The following GABRB1 variants were observed in gnomAD, a reference collection of about 807,000 sequenced individuals.
The protein encoded by GABRB1 is gamma-aminobutyric acid type A receptor subunit beta1.
In GABRB1, 17 loss-of-function variants were observed where a neutral mutation model predicts 51.6. That is an observed-to-expected ratio of 0.33 (90% confidence interval 0.23 to 0.49). The LOEUF (loss-of-function observed/expected upper bound fraction) is 0.49. GABRB1 is among the 20% of genes least tolerant of loss of function. The pLI, the probability that GABRB1 is intolerant of heterozygous loss-of-function variation, is 0.99. For synonymous variants in GABRB1, 247 were observed against 218.9 expected (o/e 1.13, Z -1.14); for missense variants, 410 against 600.6 (o/e 0.68, Z 3.32).
chr4:47,169,504 CTTT>C (rs33940206), intron 4 of GABRB1, among the ~76,000 whole-genome samples: 1 of 143,620 alleles, frequency 7.0e-6, no homozygotes. Flanking sequence ...GTGGAAGGCA[CTTT>C]TTTTTTTTTT....
chr4:47,046,111 T>C (rs1021232806), intron 3 of GABRB1, among the ~76,000 whole-genome samples: 1 of 152,044 alleles, frequency 6.6e-6, no homozygotes, highest in Non-Finnish European at 1.5e-5. Flanking sequence ...CCCTTCTCTC[T>C]CCGGCCACTC....
At chr4:47,406,951 A>G in intron 8 of GABRB1, 25 bp downstream of exon 8, 1 of 1,600,404 alleles carries the variant, frequency 6.2e-7, no homozygotes, top group Non-Finnish European at 8.5e-7. Flanking sequence ...ATTCCTAACA[A>G]TATTCTTGTT....
chr4:47,339,755 G>C (rs1314430231), intron 5 of GABRB1, among the ~76,000 whole-genome samples: 1 of 150,228 alleles, frequency 6.7e-6, no homozygotes, highest in African/African-American at 2.5e-5. Context: ...TTAAAAATCT[G>C]TTCTTTCCAC....
chr4:47,160,102 A>G (rs978573585), intron 3 of GABRB1, among the ~76,000 whole-genome samples: 1 of 152,048 alleles, frequency 6.6e-6, no homozygotes, highest in Non-Finnish European at 1.5e-5. Flanking sequence ...TATTTGGAAA[A>G]CCATCCCTTC....
intron 4 of GABRB1, among the ~76,000 whole-genome samples, chr4:47,297,150 G>C (rs1040301069): frequency 6.6e-6 from 1 of 151,934 alleles, no homozygotes; most frequent in African/African-American, 2.4e-5. Flanking sequence ...GCACATAAGA[G>C]AAAGCAGGAA....
intron 5 of GABRB1, among the ~76,000 whole-genome samples, chr4:47,353,028 G>A (rs886371155): frequency 2.0e-5 from 3 of 152,170 alleles, no homozygotes; most frequent in African/African-American, 4.8e-5. Context: ...GTGGCAGGAG[G>A]CAAAAGGCAC....
intron 3 of GABRB1, among the ~76,000 whole-genome samples, chr4:47,057,993 G>A (rs895331929): frequency 6.6e-6 from 1 of 152,204 alleles, no homozygotes; most frequent in Non-Finnish European, 1.5e-5. Flanking sequence ...CTGAGCAAGA[G>A]ACTGAAGTCT....
At chr4:47,253,706 C>T (rs542790869) in intron 4 of GABRB1, among the ~76,000 whole-genome samples, 1 of 152,284 alleles carries the variant, frequency 6.6e-6, no homozygotes, top group African/African-American at 2.4e-5. Context: ...TTAAATAAAA[C>T]ATATACAAAT....
intron 3 of GABRB1, among the ~76,000 whole-genome samples, chr4:47,043,940 T>C (rs539927354): frequency 6.6e-6 from 1 of 152,222 alleles, no homozygotes; most frequent in Non-Finnish European, 1.5e-5. Flanking sequence ...CAGGTTTGCT[T>C]ATGGACAGAG....
At chr4:47,063,649 G>A (rs1405871896) in intron 3 of GABRB1, among the ~76,000 whole-genome samples, 1 of 152,096 alleles carries the variant, frequency 6.6e-6, no homozygotes, top group Non-Finnish European at 1.5e-5. Flanking sequence ...ACCAATTGTG[G>A]TTAAAATTCA....
chr4:47,318,972 G>C (rs548392742), intron 4 of GABRB1, among the ~76,000 whole-genome samples: 26 of 151,970 alleles, frequency 1.7e-4, no homozygotes, highest in African/African-American at 6.3e-4. Flanking sequence ...TGTCTTCTTA[G>C]GGAGAAAACC....
chr4:47,131,099 G>A (rs187432529), intron 3 of GABRB1, among the ~76,000 whole-genome samples: 11 of 152,048 alleles, frequency 7.2e-5, no homozygotes, highest in African/African-American at 2.7e-4. Context: ...TTCCTACCCA[G>A]CCCTGGAAGA....
chr4:47,248,263 T>G (rs1721840942), intron 4 of GABRB1, among the ~76,000 whole-genome samples: 2 of 152,172 alleles, frequency 1.3e-5, no homozygotes, highest in Non-Finnish European at 2.9e-5. Context: ...TTCTGCTGCA[T>G]CTATTGAGAT....
chr4:47,001,213 G>A (rs1321875513), intron 1 of GABRB1, among the ~76,000 whole-genome samples: 1 of 152,128 alleles, frequency 6.6e-6, no homozygotes, highest in Non-Finnish European at 1.5e-5. Flanking sequence ...CGCGATCTGG[G>A]CTCACTGCAA....
At chr4:47,370,208 T>C (rs902276581) in intron 5 of GABRB1, among the ~76,000 whole-genome samples, 2 of 152,140 alleles carry the variant, frequency 1.3e-5, no homozygotes, top group African/African-American at 4.8e-5. Context: ...ATTTTTAGTT[T>C]AAGAAAAGTC....
chr4:47,210,273 T>C (rs1401712322), intron 4 of GABRB1, among the ~76,000 whole-genome samples: 1 of 152,186 alleles, frequency 6.6e-6, no homozygotes, highest in Non-Finnish European at 1.5e-5. Context: ...GTATAAGTTT[T>C]TTAATCTTAT....
intron 3 of GABRB1, among the ~76,000 whole-genome samples, chr4:47,125,510 A>C (rs957170456): frequency 2.0e-4 from 31 of 151,270 alleles, no homozygotes; most frequent in African/African-American, 7.5e-4. Context: ...AATTATTTCA[A>C]GATAGCTATA....
intron 3 of GABRB1, among the ~76,000 whole-genome samples, chr4:47,112,668 C>T (rs905945890): frequency 1.3e-5 from 2 of 152,018 alleles, no homozygotes; most frequent in African/African-American, 4.8e-5. Context: ...ACCCAATATC[C>T]ATAATTCATC....
intron 4 of GABRB1, among the ~76,000 whole-genome samples, chr4:47,188,841 C>G (rs1251844755): frequency 1.3e-5 from 2 of 151,962 alleles, no homozygotes; most frequent in East Asian, 3.9e-4. Flanking sequence ...GTTCAATCTG[C>G]TTTTGGTTTG....
Sources: gnomAD v4.1 joint callset for allele counts (sites outside exome capture counted in the v4.1 genomes callset) on GRCh38, gnomAD v4.1.1 for gene constraint, MANE v1.5 for transcripts, NCBI Gene and HGNC (gene_info 2026-07-23, HGNC 2026-07-21) for gene names.